The following CEP162 variants were observed in gnomAD, a reference collection of about 807,000 sequenced individuals.
The protein encoded by CEP162 is centrosomal protein of 162 kDa.
Under a neutral mutation model 169.2 loss-of-function variants are expected in CEP162, and 141 were observed. The observed-to-expected ratio is 0.83, with a 90% CI of 0.73 to 0.96. The LOEUF (loss-of-function observed/expected upper bound fraction) is 0.96. Among genes scored for constraint, CEP162 ranks in the 40% least tolerant of loss-of-function variants. The pLI is 0.00. For synonymous variants in CEP162, 540 were observed against 526.4 expected (o/e 1.03, Z -0.35); for missense variants, 1,600 against 1,587.2 (o/e 1.01, Z -0.14).
At chr6:84,186,752 AATG>A (rs1367033327) in intron 11 of CEP162, 129 bp from the exon 12 acceptor site, 2 of 710,340 alleles carry the variant, frequency 2.8e-6, no homozygotes, top group Admixed American at 3.1e-5. Flanking sequence ...AAATTAAGTT[AATG>A]ATGTTAAATA....
intron 3 of CEP162, among the ~76,000 whole-genome samples, chr6:84,220,685 A>G (rs1349087224): frequency 2.0e-5 from 3 of 152,152 alleles, no homozygotes; most frequent in Non-Finnish European, 4.4e-5. Context: ...AAACTGTGAT[A>G]CCAAGGTCTA....
At chr6:84,213,754 GA>G (rs1334660477) in intron 5 of CEP162, among the ~76,000 whole-genome samples, 1 of 152,096 alleles carries the variant, frequency 6.6e-6, no homozygotes, top group Non-Finnish European at 1.5e-5. Context: ...TAAGAAATAA[GA>G]AAAAAGTTAA....
chr6:84,212,540 G>GCATTTGATT (rs1452446172), intron 6 of CEP162, among the ~76,000 whole-genome samples: 15 of 151,148 alleles, frequency 9.9e-5, no homozygotes, highest in Non-Finnish European at 7.4e-5. Flanking sequence ...CAACAAAGAA[G>GCATTTGATT]AATAGCTAAA....
At chr6:84,219,011 ACCTTCTAAGCCGAACATT>A in intron 3 of CEP162, 1 of 324,126 alleles carries the variant, frequency 3.1e-6, no homozygotes, top group South Asian at 2.6e-5. Context: ...AGATAGTTTC[ACCTTCTAAGCCGAACATT>A]TTATTCCTAT....
intron 24 of CEP162, 144 bp downstream of exon 24, chr6:84,149,418 A>C (rs2129200150): frequency 4.3e-6 from 2 of 462,194 alleles, no homozygotes; most frequent in East Asian, 7.4e-5. Context: ...TTTAAAAAAG[A>C]AATCAAGCCA....
At chr6:84,222,602 T>C (rs2099554142) in intron 2 of CEP162, among the ~76,000 whole-genome samples, 2 of 152,364 alleles carry the variant, frequency 1.3e-5, no homozygotes, top group African/African-American at 4.8e-5. Context: ...TCTAAGAGGC[T>C]AAGCAACTTG....
At chr6:84,156,621 A>G (rs1241835766) in intron 21 of CEP162, among the ~76,000 whole-genome samples, 1 of 152,156 alleles carries the variant, frequency 6.6e-6, no homozygotes, top group Non-Finnish European at 1.5e-5. Context: ...TGTTGGTGGG[A>G]GTATAAATTA....
At chr6:84,146,046 C>T (rs933294565) in intron 25 of CEP162, among the ~76,000 whole-genome samples, 3 of 152,100 alleles carry the variant, frequency 2.0e-5, no homozygotes, top group Admixed American at 6.6e-5. Context: ...GACCTATTCT[C>T]AGCACTAAGA....
chr6:84,133,875 CA>C (rs2099512699), intron 25 of CEP162, among the ~76,000 whole-genome samples: 2 of 152,192 alleles, frequency 1.3e-5, no homozygotes, highest in African/African-American at 4.8e-5. Context: ...CACTGTCCAA[CA>C]AGCCCCAGTG....
rs1192782218 is a variant in CEP162, at chr6:84,126,517, A to C, written c.3871-5T>G. Reference sequence around the variant, plus strand: ...TTCTTCTAAGAGTTTTGTAATCTAAAATTGACATATGAAGCAAATGAAAAA... The same window carrying C: ...TTCTTCTAAGAGTTTTGTAATCTAACATTGACATATGAAGCAAATGAAAAA... On this transcript the variant is annotated splice_region_variant and splice_polypyrimidine_tract_variant and intron_variant, in intron 25 of 26. Transcript: ENST00000403245. 4.0e-6 allele frequency: 6 copies of C among 1,511,122 alleles called. No homozygotes were observed. In the East Asian group the frequency reaches 1.5e-4, roughly 37 times the overall value. The allele number at this position is 1,511,122 out of a possible 1,614,324, so 93.6% of individuals were successfully genotyped here.
chr6:84,170,882 TAA>T (rs1406616646), intron 17 of CEP162, among the ~76,000 whole-genome samples: 1 of 152,200 alleles, frequency 6.6e-6, no homozygotes, highest in Admixed American at 6.5e-5. Flanking sequence ...CCTGCCATGA[TAA>T]ATGCTGGCTG....
At chr6:84,186,697 G>T in intron 11 of CEP162, 74 bp from the exon 12 acceptor site, 1 of 1,179,408 alleles carries the variant, frequency 8.5e-7, no homozygotes, top group Non-Finnish European at 1.2e-6. Flanking sequence ...AACCACGTGT[G>T]TGTGTACACG....
intron 11 of CEP162, among the ~76,000 whole-genome samples, chr6:84,191,169 AAAAG>A (rs1251244936): frequency 1.3e-5 from 2 of 152,176 alleles, no homozygotes; most frequent in Non-Finnish European, 2.9e-5. Context: ...AGAAAAAAAA[AAAAG>A]AAACCCAAAA....
rs972400274 is a variant in CEP162 at position 84,194,142 on chromosome 6, G to A, written c.1028-452C>T. 3.9e-5 allele frequency among the ~76,000 whole-genome samples: 6 copies of A among 152,090 alleles called. No homozygotes were observed. In the South Asian group the frequency reaches 1.2e-3, roughly 32 times the overall value. On this transcript the variant is annotated intron_variant, in intron 10 of 26. Transcript: ENST00000403245. ...GGCCAAGGCAGGTGGATCACCTGAG[G>A]TCAGGAGTTCGAGAGCAGCCTGACC...
Position 84,174,687 on chromosome 6 carries a change from T to A in CEP162, c.2025+40A>T, listed in dbSNP as rs572006108. On this transcript the variant is annotated intron_variant, in intron 15 of 26. Transcript: ENST00000403245. ...CAGGGAATTCAGCTTTTTTTTTTTT[T>A]AATAAATATAAAAAAATACCAGAAC... is the stretch of plus-strand genomic sequence containing the variant. 8.1e-4 allele frequency: 775 copies of A among 958,734 alleles called. 5 individuals carry two copies. The African/African-American group carries it at 0.012, about 14-fold the overall frequency. The allele number at this position is 958,734 out of a possible 1,614,324, so 59.4% of individuals were successfully genotyped here.
chr6:84,162,968 G>A (rs550119277), intron 19 of CEP162, among the ~76,000 whole-genome samples, 176 bp downstream of exon 19: 25 of 152,196 alleles, frequency 1.6e-4, no homozygotes, highest in Middle Eastern at 6.8e-3. Flanking sequence ...AGTTATTCCT[G>A]TTAAACCCAA....
chr6:84,189,073 G>T (rs1407699938), intron 11 of CEP162, among the ~76,000 whole-genome samples: 3 of 150,584 alleles, frequency 2.0e-5, no homozygotes, highest in Non-Finnish European at 3.0e-5. Flanking sequence ...TTTTTTTTGA[G>T]ATGGAGTCTC....
intron 2 of CEP162, 146 bp downstream of exon 2, chr6:84,226,191 G>T: frequency 1.6e-6 from 1 of 610,066 alleles, no homozygotes. Flanking sequence ...CACTGAACTA[G>T]CAGTGGCAGA....
At chr6:84,130,630 C>G (rs2099510949) in intron 25 of CEP162, among the ~76,000 whole-genome samples, 1 of 152,150 alleles carries the variant, frequency 6.6e-6, no homozygotes, top group African/African-American at 2.4e-5. Flanking sequence ...TCTAGATTTT[C>G]TAGTTTATTT....
Sources: allele counts gnomAD v4.1 joint callset (sites outside exome capture counted in the v4.1 genomes callset), GRCh38; gene constraint gnomAD v4.1.1; transcripts MANE v1.5; gene names NCBI Gene and HGNC (gene_info 2026-07-23, HGNC 2026-07-21).